LRRC4C: variants seen among roughly 807,000 people sequenced by gnomAD.
LRRC4C encodes the protein leucine rich repeat containing 4C, also known as leucine-rich repeat-containing protein 4C.
A neutral mutation model predicts 33.6 loss-of-function variants in LRRC4C; 5 were observed. The ratio of observed to expected loss-of-function variants is 0.15; its 90% CI spans 0.08 to 0.31. The LOEUF (loss-of-function observed/expected upper bound fraction) is 0.31. Among genes scored for constraint, LRRC4C ranks in the 10% least tolerant of loss-of-function variants. LRRC4C has a pLI of 1.00. For synonymous variants in LRRC4C, 329 were observed against 302.0 expected, an observed-to-expected ratio of 1.09 and a Z score of -0.93; for missense variants, 560 against 796.7, an observed-to-expected ratio of 0.70 and a Z score of 3.58.
chr11:41,000,472 G>A (rs1854295542), intron 1 of LRRC4C, among the ~76,000 whole-genome samples: 1 of 152,126 alleles, frequency 6.6e-6, no homozygotes, highest in African/African-American at 2.4e-5. Flanking sequence ...CTCTGCATGG[G>A]CATGTGTGTG....
chr11:40,187,558 C>T (rs73453892), intron 5 of LRRC4C, among the ~76,000 whole-genome samples: 33,189 of 151,696 alleles, frequency 0.22, 4,180 homozygotes, highest in African/African-American at 0.34. Flanking sequence ...TCAAGCACCA[C>T]ACGATATTGG....
At chr11:40,293,472 C>T (rs1400931554) in intron 4 of LRRC4C, 2 of 152,004 alleles carry the variant, frequency 1.3e-5, no homozygotes, top group Non-Finnish European at 2.9e-5. Flanking sequence ...GTCCCCTTCT[C>T]CTCCATCAGC....
chr11:40,950,188 C>T (rs1358245090), intron 1 of LRRC4C, among the ~76,000 whole-genome samples: 5 of 151,946 alleles, frequency 3.3e-5, no homozygotes, highest in Admixed American at 2.0e-4. Flanking sequence ...GGAGGTAACC[C>T]CTACATCCTT....
In LRRC4C at chr11:40,969,572, C is replaced by A. The variant is rs567068555; in HGVS notation, c.-495-35849G>T. 2.0e-5 allele frequency among the ~76,000 whole-genome samples: 3 copies of A among 152,158 alleles called. No homozygotes were observed. The East Asian group carries it at 5.8e-4, about 30-fold the overall frequency. ...AGCCACCCCAACCTTCAGCACTCACCACCCTGATCAGTCAGCAACTATCAA... is the reference window on the plus strand; with the variant it reads ...AGCCACCCCAACCTTCAGCACTCACAACCCTGATCAGTCAGCAACTATCAA... On this transcript the variant is annotated intron_variant, in intron 1 of 6. Transcript: ENST00000528697.
chr11:40,551,880 A>G (rs1026955620), intron 3 of LRRC4C, among the ~76,000 whole-genome samples: 6 of 152,210 alleles, frequency 3.9e-5, no homozygotes, highest in Non-Finnish European at 7.3e-5. Flanking sequence ...ACTGGTCTAA[A>G]TGTTGTTGTG....
chr11:41,178,764 C>T (rs188374337), intron 1 of LRRC4C, among the ~76,000 whole-genome samples: 18 of 152,282 alleles, frequency 1.2e-4, no homozygotes, highest in Admixed American at 1.0e-3. Flanking sequence ...AGTGCAGTAG[C>T]GCAATCTCAG....
intron 2 of LRRC4C, among the ~76,000 whole-genome samples, chr11:40,662,554 G>T (rs559218722): frequency 6.6e-6 from 1 of 152,282 alleles, no homozygotes; most frequent in East Asian, 1.9e-4. Context: ...CATAGCTTTA[G>T]CTCCATGAAG....
In LRRC4C at chr11:40,790,103, T is replaced by C. The variant is rs371404771; in HGVS notation, c.-406-141825A>G. 3.3e-5 allele frequency among the ~76,000 whole-genome samples: 5 copies of C among 152,240 alleles called. No individual in the cohort carries two copies. The South Asian group carries it at 6.2e-4, about 19-fold the overall frequency. ...CCTTACATCATAATAAAGATAGAGG[T>C]AGTTATCATTGAAGATTTCAGTGAC... is the stretch of plus-strand genomic sequence containing the variant. On this transcript the variant is annotated intron_variant, in intron 2 of 6. Transcript: ENST00000528697.
intron 3 of LRRC4C, among the ~76,000 whole-genome samples, chr11:40,493,874 G>C (rs1954289491): frequency 6.6e-6 from 1 of 152,068 alleles, no homozygotes; most frequent in Non-Finnish European, 1.5e-5. Context: ...ACTGTTTACT[G>C]TTCTCCATCC....
At chr11:40,612,153 A>T (rs1419311786) in intron 3 of LRRC4C, among the ~76,000 whole-genome samples, 1 of 151,922 alleles carries the variant, frequency 6.6e-6, no homozygotes, top group Non-Finnish European at 1.5e-5. Context: ...GTCCACTAAC[A>T]CATGAGTAGA....
chr11:40,257,463 A>G (rs542187721), intron 4 of LRRC4C, among the ~76,000 whole-genome samples: 37 of 152,246 alleles, frequency 2.4e-4, no homozygotes, highest in Admixed American at 5.2e-4. Flanking sequence ...CTAGTTCCCA[A>G]GTAAACCGGA....
rs534477455 is a variant in LRRC4C, at chr11:41,226,058, C to T, written c.-496+233373G>A. Among the ~76,000 whole-genome samples, 5 of 152,254 alleles carry T rather than the reference C, an allele frequency of 3.3e-5. No homozygotes were observed. The South Asian group carries it at 1.0e-3, about 31-fold the overall frequency. The stretch of plus-strand genomic sequence containing the variant: ...TTTTATGTCATTGCAATAATAGAAA[C>T]ATGACATTCAACTGTGACTATAGCT... On this transcript the variant is annotated intron_variant, in intron 1 of 6. Transcript: ENST00000528697.
At chr11:40,304,154 A>T (rs977058884) in intron 4 of LRRC4C, among the ~76,000 whole-genome samples, 3 of 152,172 alleles carry the variant, frequency 2.0e-5, no homozygotes, top group African/African-American at 7.2e-5. Context: ...GACCTGTATC[A>T]AGTCATTTTC....
At chr11:40,431,349 C>T (rs1950925701) in intron 3 of LRRC4C, among the ~76,000 whole-genome samples, 1 of 144,360 alleles carries the variant, frequency 6.9e-6, no homozygotes, top group Non-Finnish European at 1.5e-5. Flanking sequence ...GAGCCAACAT[C>T]GTGCCACTGC....
At chr11:40,528,802 A>G (rs1956160405) in intron 3 of LRRC4C, among the ~76,000 whole-genome samples, 1 of 152,156 alleles carries the variant, frequency 6.6e-6, no homozygotes, top group African/African-American at 2.4e-5. Context: ...ATATTATTCA[A>G]CCTTTCTAAG....
chr11:40,294,280 C>T (rs111636384), intron 4 of LRRC4C, among the ~76,000 whole-genome samples: 1 of 152,088 alleles, frequency 6.6e-6, no homozygotes, highest in Non-Finnish European at 1.5e-5. Flanking sequence ...GAGGGCAGAG[C>T]CAGAACAGCT....
At chr11:40,696,101 A>G (rs1945496482) in intron 2 of LRRC4C, among the ~76,000 whole-genome samples, 1 of 147,738 alleles carries the variant, frequency 6.8e-6, no homozygotes, top group African/African-American at 2.5e-5. Context: ...GTGTGTATAT[A>G]TATATATATA....
At chr11:40,395,719 G>A (rs1203998864) in intron 3 of LRRC4C, among the ~76,000 whole-genome samples, 1 of 152,102 alleles carries the variant, frequency 6.6e-6, no homozygotes, top group Non-Finnish European at 1.5e-5. Context: ...GGGTGCAGTG[G>A]CTCATGCCTG....
At chr11:41,451,502 G>A (rs1175736888) in intron 1 of LRRC4C, among the ~76,000 whole-genome samples, 2 of 152,024 alleles carry the variant, frequency 1.3e-5, no homozygotes, top group Non-Finnish European at 2.9e-5. Flanking sequence ...ATGCAGCAGT[G>A]CTTATAGTGA....
Sources: allele counts gnomAD v4.1 joint callset (sites outside exome capture counted in the v4.1 genomes callset), GRCh38; gene constraint gnomAD v4.1.1; transcripts MANE v1.5; gene names NCBI Gene and HGNC (gene_info 2026-07-23, HGNC 2026-07-21).